Variants in FREM2 observed in about 807,000 individuals in gnomAD.
The protein encoded by FREM2 is FRAS1 related extracellular matrix 2.
A neutral mutation model predicts 219.9 loss-of-function variants in FREM2; 119 were observed. That is an observed-to-expected ratio of 0.54 (90% CI 0.47 to 0.63). The LOEUF is 0.63. Among genes scored for constraint, FREM2 ranks in the 30% least tolerant of loss-of-function variants. The pLI is 0.00. For synonymous variants in FREM2, 1,562 were observed against 1,522.8 expected, an observed-to-expected ratio of 1.03 and a Z score of -0.60; for missense variants, 4,030 against 3,993.6, an observed-to-expected ratio of 1.01 and a Z score of -0.25.
At chr13:38,768,186 A>G (rs1873516352) in intron 3 of FREM2, among the ~76,000 whole-genome samples, 1 of 152,260 alleles carries the variant, frequency 6.6e-6, no homozygotes. Flanking sequence ...TATAATTTTT[A>G]ACTAAATGCA....
chr13:38,817,913 T>A (rs1875832872), intron 6 of FREM2, among the ~76,000 whole-genome samples: 1 of 151,954 alleles, frequency 6.6e-6, no homozygotes, highest in African/African-American at 2.4e-5. Flanking sequence ...AAATAAGACA[T>A]ACAAATGACA....
At chr13:38,804,885 T>C (rs9603432) in intron 6 of FREM2, among the ~76,000 whole-genome samples, 9,903 of 152,088 alleles carry the variant, frequency 0.065, 998 homozygotes, top group African/African-American at 0.21. Context: ...TCCTGGGCTG[T>C]AGACAAATTT....
At chr13:38,853,287 A>G (rs1350082690) in intron 11 of FREM2, among the ~76,000 whole-genome samples, 1 of 149,668 alleles carries the variant, frequency 6.7e-6, no homozygotes, top group African/African-American at 2.5e-5. Context: ...ATTACACTCC[A>G]GCCTGAGAGA....
chr13:38,756,550 C>T (rs912934925), intron 2 of FREM2, among the ~76,000 whole-genome samples: 7 of 113,712 alleles, frequency 6.2e-5, no homozygotes, highest in Admixed American at 1.1e-4. Flanking sequence ...TTTTTTGAGA[C>T]GGAGTGTCAC....
chr13:38,692,103 A>G lies in FREM2; in HGVS notation c.4759A>G (p.Arg1587Gly). 1.9e-6 allele frequency: 3 copies of G among 1,614,186 alleles called. No individual in the cohort carries two copies. Among genetic ancestry groups the G allele is most frequent in the Non-Finnish European group, 2.5e-6 (3 of 1,180,030 alleles). ...TGGCCATCTCCTATTCAACAATACC[A>G]GACCTGTCATGGTTTTTACCAAGCA... ...IHGHLLFNNT[R>G]PVMVFTKQDL... The change falls in exon 1 of 24, where the codon AGA (arginine) becomes GGA (glycine). Residue 1587 changes from arginine (R) to glycine (G), a missense_variant. This residue lies in a region of FREM2 where 3,102 missense variants were observed against 2,950.7 expected (regional missense o/e 1.05). Coordinates refer to ENST00000280481, the MANE Select transcript of FREM2 (RefSeq NM_207361.6).
At chr13:38,721,444 A>G (rs1593365144) in intron 2 of FREM2, among the ~76,000 whole-genome samples, 2 of 152,178 alleles carry the variant, frequency 1.3e-5, no homozygotes, top group South Asian at 4.1e-4. Flanking sequence ...GCAGCCACCC[A>G]GGGAGGGGGA....
At chr13:38,788,963 T>A (rs1874442070) in intron 6 of FREM2, among the ~76,000 whole-genome samples, 1 of 152,154 alleles carries the variant, frequency 6.6e-6, no homozygotes, top group South Asian at 2.1e-4. Context: ...TTTTTAGATT[T>A]ACTAGTGTTA....
chr13:38,873,328 G>T (rs1878230082), intron 17 of FREM2, among the ~76,000 whole-genome samples: 1 of 152,176 alleles, frequency 6.6e-6, no homozygotes. Context: ...CTGAAAAAAA[G>T]AGGTGCATTT....
rs7984566 is a variant in FREM2 at position 38,812,139 on chromosome 13, G to A, written c.6019+27331G>A. ...TCCTGCTCTTTTTTGGTTTCCATTC[G>A]TGTGGGATATCTTTTTCCATTCATT... On this transcript the variant is annotated intron_variant, in intron 6 of 23. Coordinates refer to ENST00000280481, the MANE Select transcript of FREM2 (RefSeq NM_207361.6). Among the ~76,000 whole-genome samples the A allele has an allele frequency of 1.3e-3, 200 of 152,006 alleles. 1 individual carries two copies. Among genetic ancestry groups the A allele is most frequent in the African/African-American group, 4.4e-3 (184 of 41,456 alleles).
Position 38,874,473 on chromosome 13 carries a change from C to A in FREM2, c.8177-9C>A, listed in dbSNP as rs1878273920. On this transcript the variant is annotated splice_polypyrimidine_tract_variant and intron_variant, in intron 17 of 23. Transcript: ENST00000280481. ...TATATTTTCATTCTTGGTACTCTCC[C>A]CATTATAGGTTCTCTCTATCCAACC... 1 of 1,608,682 alleles carries A rather than the reference C, an allele frequency of 6.2e-7. No individual in the cohort carries two copies. Among genetic ancestry groups the A allele is most frequent in the Non-Finnish European group, 8.5e-7 (1 of 1,175,130 alleles).
At chr13:38,863,344 A>G (rs1017063759) in intron 15 of FREM2, among the ~76,000 whole-genome samples, 1 of 152,086 alleles carries the variant, frequency 6.6e-6, no homozygotes, top group Admixed American at 6.5e-5. Flanking sequence ...GCCACCACGC[A>G]TGGCCAGTTT....
chr13:38,851,204 C>T, intron 10 of FREM2, 96 bp downstream of exon 10: 2 of 1,216,998 alleles, frequency 1.6e-6, no homozygotes, highest in South Asian at 1.3e-5. Context: ...CCCCCACCTC[C>T]TCTGCTTTAT....
chr13:38,849,844 C>G (rs1170382473), intron 8 of FREM2, among the ~76,000 whole-genome samples, 194 bp from the exon 9 acceptor site: 1 of 152,158 alleles, frequency 6.6e-6, no homozygotes, highest in African/African-American at 2.4e-5. Context: ...ACAGGCAGAG[C>G]AAAATGTCAA....
chr13:38,824,949 C>T (rs954899015), intron 6 of FREM2, among the ~76,000 whole-genome samples: 7 of 151,444 alleles, frequency 4.6e-5, no homozygotes, highest in African/African-American at 1.2e-4. Flanking sequence ...TAAACCCAGG[C>T]AGCTTGAAAG....
chr13:38,861,944 C>G (rs991820771), intron 15 of FREM2, among the ~76,000 whole-genome samples: 8 of 152,128 alleles, frequency 5.3e-5, no homozygotes, highest in African/African-American at 1.9e-4. Context: ...TTTTATGTCT[C>G]TCTCAATATT....
intron 2 of FREM2, among the ~76,000 whole-genome samples, chr13:38,725,463 C>T (rs528407032): frequency 6.6e-6 from 1 of 152,258 alleles, no homozygotes; most frequent in East Asian, 1.9e-4. Context: ...AAAGAAAGCG[C>T]CAGTTATGCT....
intron 2 of FREM2, among the ~76,000 whole-genome samples, chr13:38,708,108 A>C (rs1566112166): frequency 6.6e-6 from 1 of 152,220 alleles, no homozygotes; most frequent in Non-Finnish European, 1.5e-5. Flanking sequence ...AATCATAGGC[A>C]CAAAGTAAGT....
chr13:38,794,131 G>T (rs1000104280), intron 6 of FREM2, among the ~76,000 whole-genome samples: 4 of 152,060 alleles, frequency 2.6e-5, no homozygotes, highest in African/African-American at 9.7e-5. Flanking sequence ...CTTAGGAAAA[G>T]ATAAAATTAC....
chr13:38,700,745 C>T (rs966919821), intron 2 of FREM2, among the ~76,000 whole-genome samples: 7 of 151,988 alleles, frequency 4.6e-5, no homozygotes, highest in African/African-American at 1.4e-4. Context: ...CAGTAATAAG[C>T]GATAACTTCC....
Sources: allele counts gnomAD v4.1 joint callset (sites outside exome capture counted in the v4.1 genomes callset), GRCh38; gene constraint gnomAD v4.1.1; regional missense constraint gnomAD v4.1.1; transcripts MANE v1.5; gene names NCBI Gene and HGNC (gene_info 2026-07-23, HGNC 2026-07-21).